The following WDR41 variants were observed in gnomAD, a reference collection of about 807,000 sequenced individuals.
WDR41 encodes the protein WD repeat domain 41, also known as WD repeat-containing protein 41.
WDR41 carries 63 observed loss-of-function variants against 69.3 expected under a neutral mutation model. That is an observed-to-expected ratio of 0.91 (90% CI 0.74 to 1.12). The LOEUF is 1.12. Ranked by LOEUF, WDR41 falls within the 50% of genes most tolerant of loss-of-function variation. The pLI is 0.00. For missense variants in WDR41, 543 were observed against 534.5 expected, an observed-to-expected ratio of 1.02 and a Z score of -0.16; for synonymous variants, 185 against 192.1, an observed-to-expected ratio of 0.96 and a Z score of 0.31.
intron 1 of WDR41, among the ~76,000 whole-genome samples, chr5:77,577,950 G>A (rs1342571726): frequency 6.6e-6 from 1 of 152,158 alleles, no homozygotes; most frequent in East Asian, 1.9e-4. Flanking sequence ...CATTTAACAC[G>A]AAGCCTATTT....
At chr5:77,523,692 T>C (rs1802406137) in intron 1 of WDR41, among the ~76,000 whole-genome samples, 1 of 152,172 alleles carries the variant, frequency 6.6e-6, no homozygotes, top group African/African-American at 2.4e-5. Flanking sequence ...TTTAACAATC[T>C]TGCCAACGAT....
At chr5:77,468,981 C>G (rs1206619933) in intron 2 of WDR41, among the ~76,000 whole-genome samples, 1 of 152,092 alleles carries the variant, frequency 6.6e-6, no homozygotes, top group African/African-American at 2.4e-5. Flanking sequence ...AAAGTTGTCT[C>G]TCTTCAACCC....
intron 1 of WDR41, among the ~76,000 whole-genome samples, chr5:77,519,997 G>T (rs917612562): frequency 3.3e-5 from 5 of 151,544 alleles, no homozygotes; most frequent in Non-Finnish European, 7.4e-5. Flanking sequence ...ATGTTTTTAG[G>T]CCTCTAAGTT....
intron 1 of WDR41, among the ~76,000 whole-genome samples, chr5:77,507,352 C>T (rs1047600428): frequency 6.6e-6 from 1 of 152,198 alleles, no homozygotes; most frequent in Non-Finnish European, 1.5e-5. Context: ...AATAGTGCTT[C>T]TAGAGGCAAC....
intron 8 of WDR41, among the ~76,000 whole-genome samples, chr5:77,443,729 C>G (rs1029416928): frequency 6.6e-6 from 1 of 152,140 alleles, no homozygotes; most frequent in Non-Finnish European, 1.5e-5. Flanking sequence ...AGTCACAACA[C>G]AGAATTAACC....
intron 2 of WDR41, among the ~76,000 whole-genome samples, chr5:77,471,867 C>A (rs335650): frequency 0.51 from 76,859 of 151,928 alleles, 20,205 homozygotes; most frequent in African/African-American, 0.64. Context: ...AAGCTGGTAC[C>A]ATTCCTTCTG....
chr5:77,604,750 A>G (rs1037763107), intron 1 of WDR41, among the ~76,000 whole-genome samples: 5 of 152,184 alleles, frequency 3.3e-5, no homozygotes, highest in Admixed American at 2.6e-4. Flanking sequence ...ATGATCACCA[A>G]TAGGGGACTC....
intron 2 of WDR41, among the ~76,000 whole-genome samples, chr5:77,471,855 A>G (rs549766973): frequency 6.6e-6 from 1 of 152,330 alleles, no homozygotes; most frequent in African/African-American, 2.4e-5. Context: ...AGGTACAAGG[A>G]GAAGCTGGTA....
rs577772195 is a variant in WDR41, at chr5:77,476,108, G to A, written c.168-11299C>T. 9.4e-3 allele frequency among the ~76,000 whole-genome samples: 1,212 copies of A among 129,088 alleles called. 24 individuals are homozygous for A. Among genetic ancestry groups the A allele is most frequent in the South Asian group, 0.059 (239 of 4,034 alleles). 84.7% of individuals were successfully genotyped at this position (129,088 alleles called of 152,430 possible). On this transcript the variant is annotated intron_variant, in intron 2 of 12. Coordinates refer to ENST00000296679, the MANE Select transcript of WDR41 (RefSeq NM_018268.4). Reference sequence around the variant, plus strand: ...TGAAATGAATGAAATGAAGCGAGAAGGGAAGTTTAGAGAAAAAAAGAATAA... The same window carrying A: ...TGAAATGAATGAAATGAAGCGAGAAAGGAAGTTTAGAGAAAAAAAGAATAA...
At chr5:77,508,167 T>C (rs72769090) in intron 1 of WDR41, among the ~76,000 whole-genome samples, 5,995 of 151,934 alleles carry the variant, frequency 0.039, 154 homozygotes, top group Middle Eastern at 0.092. Flanking sequence ...TAACCCAGAC[T>C]GGAGTGTGTA....
At chr5:77,472,184 CTCAACA>C (rs1480088614) in intron 2 of WDR41, among the ~76,000 whole-genome samples, 1 of 152,202 alleles carries the variant, frequency 6.6e-6, no homozygotes, top group East Asian at 1.9e-4. Context: ...ATATGATTAT[CTCAACA>C]GATGCAGAAA....
chr5:77,457,217 G>T (rs561933360), intron 5 of WDR41, among the ~76,000 whole-genome samples: 2 of 152,176 alleles, frequency 1.3e-5, no homozygotes, highest in South Asian at 4.2e-4. Flanking sequence ...TGAATTTTCA[G>T]ATGTTAAACT....
upstream of WDR41, among the ~76,000 whole-genome samples, chr5:77,495,052 G>GA (rs1433642281): frequency 2.0e-5 from 3 of 151,948 alleles, no homozygotes; most frequent in African/African-American, 7.2e-5. Context: ...TGAGTCACAA[G>GA]AAAAAGCAGC....
rs35774719 is a variant in WDR41, at chr5:77,437,389, C to G, written c.1040G>C (p.Arg347Pro). 3.1e-6 allele frequency: 5 copies of G among 1,613,750 alleles called. No individual in the cohort carries two copies. The African/African-American group carries it at 4.0e-5, about 13-fold the overall frequency. Residue 347 changes from arginine (R) to proline (P), a missense_variant, in exon 11 of 13, where the codon CGC (arginine) becomes CCC (proline). Physicochemically the swap from Arg to Pro is moderately radical, Grantham distance 103 (BLOSUM62 -2). Transcript: ENST00000296679. The stretch of plus-strand genomic sequence containing the variant: ...CTGTTTTTCTCTTAACTCCCAAATG[C>G]GTACACTGCCATCTTCTGAGCATGA... The part of the protein sequence containing the change: ...LISCSEDGSV[R>P]IWELREKQQL...
Position 77,436,311 on chromosome 5 carries a change from A to G in WDR41, c.1177T>C (p.Cys393Arg), listed in dbSNP as rs1444099459. 1 of 1,614,144 alleles carries G rather than the reference A, an allele frequency of 6.2e-7. No homozygotes were observed. The change falls in exon 12 of 13, where the codon TGT (cysteine) becomes CGT (arginine). Residue 393 changes from cysteine to arginine, a missense_variant. Cys to Arg is a radical substitution (Grantham distance 180). Transcript: ENST00000296679. Reference protein sequence around the residue: ...VKKQQENATSCSLELIGDLIG... With the variant: ...VKKQQENATSRSLELIGDLIG... ...AAATCTCCAATAAGCTCCAGTGAACATGAAGTAGCATTTTCTTGCTGCTTT... is the reference window on the plus strand; with the variant it reads ...AAATCTCCAATAAGCTCCAGTGAACGTGAAGTAGCATTTTCTTGCTGCTTT...
At chr5:77,519,790 C>T (rs988098759) in intron 1 of WDR41, among the ~76,000 whole-genome samples, 1 of 150,570 alleles carries the variant, frequency 6.6e-6, no homozygotes, top group Non-Finnish European at 1.5e-5. Context: ...ATGAATTTTT[C>T]CTTATAACTT....
chr5:77,523,073 G>A (rs1275793396), intron 1 of WDR41, among the ~76,000 whole-genome samples: 2 of 152,092 alleles, frequency 1.3e-5, no homozygotes, highest in Non-Finnish European at 2.9e-5. Flanking sequence ...CAACACTTTG[G>A]GAGGCTGAGG....
At chr5:77,578,297 G>A (rs750554293) in intron 1 of WDR41, among the ~76,000 whole-genome samples, 18 of 152,164 alleles carry the variant, frequency 1.2e-4, no homozygotes, top group Non-Finnish European at 2.4e-4. Flanking sequence ...GAGCTAGGTG[G>A]TAGAGGGTAG....
chr5:77,498,326 A>G (rs899163963), intron 1 of WDR41, among the ~76,000 whole-genome samples: 3 of 149,814 alleles, frequency 2.0e-5, no homozygotes, highest in Non-Finnish European at 3.0e-5. Flanking sequence ...ATATATATGG[A>G]TAACTGATTT....
Sources: gnomAD v4.1 joint callset for allele counts (sites outside exome capture counted in the v4.1 genomes callset) on GRCh38, gnomAD v4.1.1 for gene constraint, MANE v1.5 for transcripts, NCBI Gene and HGNC (gene_info 2026-07-23, HGNC 2026-07-21) for gene names.